Variants in MTURN observed in about 807,000 individuals in gnomAD.
The protein encoded by MTURN is maturin.
In MTURN, 7 loss-of-function variants were observed where a neutral mutation model predicts 14.9. The observed-to-expected ratio is 0.47, with a 90% CI of 0.27 to 0.88. The LOEUF (loss-of-function observed/expected upper bound fraction) is 0.88, where lower values mean the gene tolerates loss of function less well. Ranked by LOEUF, MTURN falls within the 40% of genes least tolerant of loss-of-function variation. The pLI, the probability that MTURN is intolerant of heterozygous loss-of-function variation, is 0.14. For synonymous variants in MTURN, 69 were observed against 72.5 expected, an observed-to-expected ratio of 0.95 and a Z score of 0.25; for missense variants, 151 against 174.1, an observed-to-expected ratio of 0.87 and a Z score of 0.75.
chr7:30,153,969 C>T (rs1378236758), intron 2 of MTURN, among the ~76,000 whole-genome samples: 11 of 152,158 alleles, frequency 7.2e-5, no homozygotes, highest in Admixed American at 1.3e-4. Flanking sequence ...CCGCCTGCCT[C>T]GGCCTCCCAA....
At position 30,159,866 on chromosome 7, in the gene MTURN, A is replaced by T. The variant is rs149743221; in HGVS notation, c.*2318A>T. ...TCTAAGCAGGGCTGTGCATGGTGCAAAGCTGCAGTCAGTGAGCCTGGCAGC... is the reference window on the plus strand; with the variant it reads ...TCTAAGCAGGGCTGTGCATGGTGCATAGCTGCAGTCAGTGAGCCTGGCAGC... On this transcript the variant is annotated 3_prime_UTR_variant, in exon 3 of 3. Coordinates refer to ENST00000324453, the MANE Select transcript of MTURN (RefSeq NM_152793.3). The T allele has an allele frequency of 2.0e-5, 3 of 152,668 alleles. No individual in the cohort carries two copies. Among genetic ancestry groups the T allele is most frequent in the Admixed American group, 1.3e-4 (2 of 15,294 alleles). The allele number at this position is 152,668 out of a possible 1,614,324, so 9.5% of individuals were successfully genotyped here.
intron 2 of MTURN, among the ~76,000 whole-genome samples, chr7:30,152,400 C>G (rs574798050): frequency 6.6e-6 from 1 of 152,188 alleles, no homozygotes; most frequent in Non-Finnish European, 1.5e-5. Context: ...CTTTAGAGTC[C>G]TACCACCCCT....
intron 2 of MTURN, 79 bp downstream of exon 2, chr7:30,146,378 G>A: frequency 6.3e-7 from 1 of 1,586,862 alleles, no homozygotes; most frequent in Non-Finnish European, 8.6e-7. Context: ...GGTGGGGAAG[G>A]TGGGCAAAAC....
At chr7:30,154,161 G>A (rs1234520760) in intron 2 of MTURN, among the ~76,000 whole-genome samples, 1 of 152,038 alleles carries the variant, frequency 6.6e-6, no homozygotes, top group African/African-American at 2.4e-5. Flanking sequence ...CAGGAGAATC[G>A]CCTTACATGC....
At chr7:30,157,365 T>A in intron 2 of MTURN, 73 bp from the exon 3 acceptor site, 1 of 1,291,428 alleles carries the variant, frequency 7.7e-7, no homozygotes, top group Non-Finnish European at 1.1e-6. Flanking sequence ...GTGGATCCGA[T>A]GCCTTTGGTT....
Position 30,147,346 on chromosome 7 carries a change from G to A in MTURN, c.285+1047G>A, listed in dbSNP as rs553311694. On this transcript the variant is annotated intron_variant, in intron 2 of 2. Coordinates refer to ENST00000324453, the MANE Select transcript of MTURN (RefSeq NM_152793.3). Reference sequence around the variant, plus strand: ...CCAGAGAGGATTTCTGTTTGCTTCCGTCAGGACTTGGGGGCCTATTAGTCT... The same window carrying A: ...CCAGAGAGGATTTCTGTTTGCTTCCATCAGGACTTGGGGGCCTATTAGTCT... Among the ~76,000 whole-genome samples, 83 of 152,214 alleles carry A rather than the reference G, an allele frequency of 5.5e-4. 1 individual carries two copies. The highest frequency in any genetic ancestry group is 8.8e-4 in the Non-Finnish European group (60 of 68,036).
rs936908245 is a variant in MTURN at position 30,157,751 on chromosome 7, G to T, written c.*203G>T. The T allele has an allele frequency of 9.4e-6, 3 of 319,584 alleles. No homozygotes were observed. Among genetic ancestry groups the T allele is most frequent in the South Asian group, 7.4e-5 (1 of 13,508 alleles). 19.8% of individuals were successfully genotyped at this position (319,584 alleles called of 1,614,324 possible). ...CAGAAGTGACCTGAATTTCACTCCCGCTTCAGTGGGGTTTCTATGGAGTTG... is the reference window on the plus strand; with the variant it reads ...CAGAAGTGACCTGAATTTCACTCCCTCTTCAGTGGGGTTTCTATGGAGTTG... On this transcript the variant is annotated 3_prime_UTR_variant, in exon 3 of 3. Coordinates refer to ENST00000324453, the MANE Select transcript of MTURN (RefSeq NM_152793.3).
intron 2 of MTURN, among the ~76,000 whole-genome samples, chr7:30,154,845 A>T (rs909154092): frequency 3.3e-5 from 5 of 152,054 alleles, no homozygotes; most frequent in Admixed American, 1.3e-4. Flanking sequence ...CAGCCTGGGG[A>T]CCTGTCAGTA....
Position 30,145,763 on chromosome 7 carries a change from CTTAA to C in MTURN, c.163-408_163-405del, listed in dbSNP as rs956442759. The C allele has an allele frequency of 7.9e-6, 11 of 1,389,672 alleles. No homozygotes were observed. In the Admixed American group the frequency reaches 1.6e-4, roughly 20 times the overall value. The allele number at this position is 1,389,672 out of a possible 1,614,324, so 86.1% of individuals were successfully genotyped here. Reference sequence around the variant, plus strand: ...TCCAAGTTAATGCTTACAAACTATGCTTAATTAATCTTTCAGCCGTAGCTGAAAG... The same window carrying C: ...TCCAAGTTAATGCTTACAAACTATGCTTAATCTTTCAGCCGTAGCTGAAAG... On this transcript the variant is annotated intron_variant, in intron 1 of 2. Coordinates refer to ENST00000324453, the MANE Select transcript of MTURN (RefSeq NM_152793.3).
chr7:30,157,610 C>G lies in MTURN; in HGVS notation c.*62C>G, dbSNP rs1421745676. On this transcript the variant is annotated 3_prime_UTR_variant, in exon 3 of 3. Transcript: ENST00000324453. The stretch of plus-strand genomic sequence containing the variant: ...CAGTAACCTAGGTGGGGTCACTGCC[C>G]CTCCTGGGTTAGCATTTTGCATTAG... The G allele has an allele frequency of 7.8e-7, 1 of 1,287,248 alleles. No homozygotes were observed. Among genetic ancestry groups the G allele is most frequent in the Non-Finnish European group, 1.1e-6 (1 of 939,732 alleles). 79.7% of individuals were successfully genotyped at this position (1,287,248 alleles called of 1,614,324 possible). A position where few individuals can be genotyped will look rare whatever the true frequency, so the allele number is the denominator to read the frequency against.
intron 2 of MTURN, among the ~76,000 whole-genome samples, chr7:30,154,176 C>T (rs1311862983): frequency 1.3e-5 from 2 of 152,150 alleles, no homozygotes; most frequent in Non-Finnish European, 2.9e-5. Context: ...ACATGCAGTC[C>T]AGTGGCGGCA....
chr7:30,134,998 A>C lies in MTURN; in HGVS notation c.-139A>C, dbSNP rs1421783978. 7.6e-6 allele frequency: 5 copies of C among 662,070 alleles called. No individual in the cohort carries two copies. Among genetic ancestry groups the C allele is most frequent in the Non-Finnish European group, 9.5e-6 (5 of 527,476 alleles). The allele number at this position is 662,070 out of a possible 1,614,324, so 41.0% of individuals were successfully genotyped here. A position where few individuals can be genotyped will look rare whatever the true frequency, so the allele number is the denominator to read the frequency against. On this transcript the variant is annotated 5_prime_UTR_variant, in exon 1 of 3. It removes an upstream start codon present in the reference 5' UTR. Coordinates refer to ENST00000324453, the MANE Select transcript of MTURN (RefSeq NM_152793.3). ...CGCCGCCCGCCCCACTCCGCACCGC[A>C]TGTAAACAGTCCCAGCCGGCCCAGC...
intron 2 of MTURN, among the ~76,000 whole-genome samples, chr7:30,150,342 A>C (rs1415211761): frequency 6.6e-6 from 1 of 152,192 alleles, no homozygotes; most frequent in Non-Finnish European, 1.5e-5. Flanking sequence ...AGTGATTTCA[A>C]CATGAAAAGG....
chr7:30,147,144 A>G (rs995786879), intron 2 of MTURN, among the ~76,000 whole-genome samples: 1 of 152,216 alleles, frequency 6.6e-6, no homozygotes, highest in African/African-American at 2.4e-5. Context: ...GTTGCATAGT[A>G]GACTATGTCT....
chr7:30,155,316 A>G (rs1488527332), intron 2 of MTURN, among the ~76,000 whole-genome samples: 2 of 152,126 alleles, frequency 1.3e-5, no homozygotes, highest in African/African-American at 4.8e-5. Flanking sequence ...GGTGGTGGCG[A>G]TAGTATTTAT....
chr7:30,145,249 G>C (rs542382404), intron 1 of MTURN, among the ~76,000 whole-genome samples: 1 of 152,112 alleles, frequency 6.6e-6, no homozygotes, highest in Non-Finnish European at 1.5e-5. Context: ...GGTGGCTCAC[G>C]CCTGTAGTCC....
At chr7:30,152,493 A>G (rs920703222) in intron 2 of MTURN, among the ~76,000 whole-genome samples, 1 of 152,218 alleles carries the variant, frequency 6.6e-6, no homozygotes, top group African/African-American at 2.4e-5. Context: ...CTGTTGAATC[A>G]TCATCTGCGT....
chr7:30,142,182 CATAGTT>C (rs1562567964), intron 1 of MTURN, among the ~76,000 whole-genome samples: 1 of 152,202 alleles, frequency 6.6e-6, no homozygotes, highest in African/African-American at 2.4e-5. Context: ...TTGCAGGTGA[CATAGTT>C]ATATTCTCTT....
chr7:30,144,044 T>C (rs1006452533), intron 1 of MTURN, among the ~76,000 whole-genome samples: 1 of 152,248 alleles, frequency 6.6e-6, no homozygotes, highest in African/African-American at 2.4e-5. Flanking sequence ...GATTTACTCA[T>C]TGTGTGACCA....
Sources: gnomAD v4.1 joint callset for allele counts (sites outside exome capture counted in the v4.1 genomes callset) on GRCh38, gnomAD v4.1.1 for gene constraint, MANE v1.5 for transcripts, NCBI Gene and HGNC (gene_info 2026-07-23, HGNC 2026-07-21) for gene names.